Variants in RCOR1 observed in about 807,000 individuals in gnomAD.
The protein encoded by RCOR1 is REST corepressor 1.
Under a neutral mutation model 64.0 loss-of-function variants are expected in RCOR1, and 12 were observed. The observed-to-expected ratio is 0.19, with a 90% CI of 0.12 to 0.30. The LOEUF (loss-of-function observed/expected upper bound fraction) is 0.30. RCOR1 is among the 10% of genes least tolerant of loss of function. The pLI is 1.00. For missense variants in RCOR1, 502 were observed against 621.2 expected, an observed-to-expected ratio of 0.81 and a Z score of 2.04; for synonymous variants, 279 against 227.2, an observed-to-expected ratio of 1.23 and a Z score of -2.05.
intron 2 of RCOR1, among the ~76,000 whole-genome samples, chr14:102,674,736 C>T (rs1054574604): frequency 1.3e-5 from 2 of 152,094 alleles, no homozygotes; most frequent in African/African-American, 4.8e-5. Context: ...CTAATTATTC[C>T]AGATAGGTCT....
At position 102,649,922 on chromosome 14, in the gene RCOR1, G is replaced by C. The variant is rs554379860; in HGVS notation, c.362-31973G>C. Reference sequence around the variant, plus strand: ...TAAAGAATCATAGTGGCCTTGGGCCGGGCGCGGTGGCTCACACCTGTAATC... The same window carrying C: ...TAAAGAATCATAGTGGCCTTGGGCCCGGCGCGGTGGCTCACACCTGTAATC... On this transcript the variant is annotated intron_variant, in intron 2 of 11. Coordinates refer to ENST00000262241, the MANE Select transcript of RCOR1 (RefSeq NM_015156.4). The C allele has an allele frequency of 1.2e-5, 4 of 336,746 alleles. No individual in the cohort carries two copies. The South Asian group carries it at 4.8e-4, about 40-fold the overall frequency. 20.9% of individuals were successfully genotyped at this position (336,746 alleles called of 1,614,324 possible). A position where few individuals can be genotyped will look rare whatever the true frequency, so the allele number is the denominator to read the frequency against.
intron 2 of RCOR1, among the ~76,000 whole-genome samples, chr14:102,650,055 G>T (rs867563842): frequency 1.3e-5 from 2 of 151,972 alleles, no homozygotes; most frequent in Admixed American, 6.6e-5. Context: ...AAAGTTAGCC[G>T]GGTGAGGTGG....
At chr14:102,719,702 A>G (rs1025001221) in intron 8 of RCOR1, among the ~76,000 whole-genome samples, 1 of 152,234 alleles carries the variant, frequency 6.6e-6, no homozygotes, top group African/African-American at 2.4e-5. Flanking sequence ...CTTTTAGTTC[A>G]GAATTTTAGA....
chr14:102,706,114 CAAAAAAAAAAAAAAAAAA>C (rs71119732), intron 4 of RCOR1, among the ~76,000 whole-genome samples: 1 of 21,330 alleles, frequency 4.7e-5, no homozygotes, highest in Non-Finnish European at 7.5e-5. Flanking sequence ...AACCCTGTCT[CAAAAAAAAAAAAAAAAAA>C]AAAAAAAAAA....
chr14:102,681,030 T>C (rs1294652396), intron 2 of RCOR1, among the ~76,000 whole-genome samples: 3 of 152,166 alleles, frequency 2.0e-5, no homozygotes, highest in Admixed American at 6.5e-5. Context: ...CTAGAACACA[T>C]TGGTAGACAA....
At chr14:102,671,145 C>T (rs757174449) in intron 2 of RCOR1, among the ~76,000 whole-genome samples, 7 of 152,152 alleles carry the variant, frequency 4.6e-5, no homozygotes, top group Non-Finnish European at 7.3e-5. Flanking sequence ...TTTCGCTTCC[C>T]CTTCTGTGTT....
At chr14:102,657,910 C>T in intron 2 of RCOR1, 2 of 983,896 alleles carry the variant, frequency 2.0e-6, no homozygotes, top group Non-Finnish European at 2.4e-6. Context: ...CATTATATTG[C>T]CTCTCTGAAA....
intron 2 of RCOR1, among the ~76,000 whole-genome samples, chr14:102,604,252 C>G (rs899056681): frequency 3.9e-5 from 6 of 152,140 alleles, no homozygotes; most frequent in African/African-American, 1.4e-4. Context: ...GTTATAGTAG[C>G]ATATAGGTTA....
chr14:102,650,286 A>G (rs933278780), intron 2 of RCOR1, among the ~76,000 whole-genome samples: 3 of 150,436 alleles, frequency 2.0e-5, no homozygotes, highest in Non-Finnish European at 4.4e-5. Context: ...AGGTGGGAGA[A>G]TCACTTGAGG....
chr14:102,611,471 G>T (rs567155093), intron 2 of RCOR1, among the ~76,000 whole-genome samples: 2 of 151,782 alleles, frequency 1.3e-5, no homozygotes, highest in East Asian at 3.9e-4. Context: ...TCCTCTTTTT[G>T]GGTTGTCTTT....
rs1896321982 is a variant in RCOR1 at position 102,729,083 on chromosome 14, A to G, written c.*2577A>G. ...CTTAAGCTTTGTCTTCTTAAAAATT[A>G]TCAATGTGAATGTCATAATTATATA... is the stretch of plus-strand genomic sequence containing the variant. On this transcript the variant is annotated 3_prime_UTR_variant, in exon 12 of 12. Transcript: ENST00000262241. 1 of 152,668 alleles carries G rather than the reference A, an allele frequency of 6.6e-6. No individual in the cohort carries two copies. Among genetic ancestry groups the G allele is most frequent in the Non-Finnish European group, 1.5e-5 (1 of 68,044 alleles). The allele number at this position is 152,668 out of a possible 1,614,324, so 9.5% of individuals were successfully genotyped here.
intron 3 of RCOR1, among the ~76,000 whole-genome samples, chr14:102,698,426 A>G (rs963966216): frequency 6.6e-6 from 1 of 152,234 alleles, no homozygotes; most frequent in Non-Finnish European, 1.5e-5. Flanking sequence ...TTGCTCAAAG[A>G]TCGTGCTACT....
chr14:102,606,170 C>T (rs1008003968), intron 2 of RCOR1, among the ~76,000 whole-genome samples: 4 of 152,210 alleles, frequency 2.6e-5, no homozygotes, highest in African/African-American at 7.2e-5. Context: ...AAGTGATCTG[C>T]CTGCTTCGGC....
In RCOR1 at chr14:102,728,183, G is replaced by A. The variant is rs1053084084; in HGVS notation, c.*1677G>A. 1.3e-4 allele frequency: 20 copies of A among 152,060 alleles called. No individual in the cohort carries two copies. The highest frequency in any genetic ancestry group is 4.8e-4 in the African/African-American group (20 of 41,334). 9.4% of individuals were successfully genotyped at this position (152,060 alleles called of 1,614,324 possible). Reference sequence around the variant, plus strand: ...TTTTGGAATTGTAAATTTTTTTTTAGTATAGTCTGGAGAGAAAGGTCATTC... The same window carrying A: ...TTTTGGAATTGTAAATTTTTTTTTAATATAGTCTGGAGAGAAAGGTCATTC... On this transcript the variant is annotated 3_prime_UTR_variant, in exon 12 of 12. Coordinates refer to ENST00000262241, the MANE Select transcript of RCOR1 (RefSeq NM_015156.4).
intron 6 of RCOR1, among the ~76,000 whole-genome samples, chr14:102,709,535 GAGAA>G (rs1895917790): frequency 6.6e-6 from 1 of 152,200 alleles, no homozygotes; most frequent in South Asian, 2.1e-4. Flanking sequence ...AGTAACATGT[GAGAA>G]CACATTGAAA....
At chr14:102,721,419 G>T (rs1455606956) in intron 10 of RCOR1, 42 bp downstream of exon 10, 1 of 1,465,790 alleles carries the variant, frequency 6.8e-7, no homozygotes, top group Non-Finnish European at 9.6e-7. Flanking sequence ...GGCCGGCTGT[G>T]GTGGCTCACA....
intron 2 of RCOR1, among the ~76,000 whole-genome samples, chr14:102,631,351 C>T (rs987625425): frequency 2.6e-5 from 4 of 151,622 alleles, no homozygotes; most frequent in South Asian, 2.1e-4. Flanking sequence ...TACAGGCACC[C>T]GCCACCATGC....
rs575459380 is a variant in RCOR1, at chr14:102,680,127, AGT to A, written c.362-1767_362-1766del. ...GTGTACACATCTTACTTTATCCCTA[AGT>A]TATTTCATATTTGATGCTAATGATC... On this transcript the variant is annotated intron_variant, in intron 2 of 11. Coordinates refer to ENST00000262241, the MANE Select transcript of RCOR1 (RefSeq NM_015156.4). Among the ~76,000 whole-genome samples the A allele has an allele frequency of 3.9e-4, 59 of 151,738 alleles. No individual in the cohort carries two copies. In the East Asian group the frequency reaches 9.3e-3, roughly 24 times the overall value.
chr14:102,712,387 A>G (rs767573390), intron 7 of RCOR1, among the ~76,000 whole-genome samples: 8 of 151,578 alleles, frequency 5.3e-5, no homozygotes, highest in Non-Finnish European at 1.0e-4. Context: ...ATGGGGTTTC[A>G]TCATGTTGGC....
Sources: gnomAD v4.1 joint callset for allele counts (sites outside exome capture counted in the v4.1 genomes callset) on GRCh38, gnomAD v4.1.1 for gene constraint, MANE v1.5 for transcripts, NCBI Gene and HGNC (gene_info 2026-07-23, HGNC 2026-07-21) for gene names.